The following TUSC3 variants were observed in gnomAD, a reference collection of about 807,000 sequenced individuals.
TUSC3 encodes dolichyl-diphosphooligosaccharide--protein glycosyltransferase subunit TUSC3.
Under a neutral mutation model 44.8 loss-of-function variants are expected in TUSC3, and 45 were observed. That is an observed-to-expected ratio of 1.00 (90% CI 0.79 to 1.29). The LOEUF is 1.29. Among genes scored for constraint, TUSC3 ranks in the 50% most tolerant of loss-of-function variants. The pLI, the probability that TUSC3 is intolerant of heterozygous loss-of-function variation, is 0.00. For missense variants in TUSC3, 519 were observed against 437.9 expected, an observed-to-expected ratio of 1.19 and a Z score of -1.65; for synonymous variants, 212 against 152.9, an observed-to-expected ratio of 1.39 and a Z score of -2.85.
chr8:15,575,057 A>G (rs927575290), intron 1 of TUSC3, among the ~76,000 whole-genome samples: 1 of 152,108 alleles, frequency 6.6e-6, no homozygotes, highest in African/African-American at 2.4e-5. Flanking sequence ...TACTGACTAT[A>G]AACTTATCCG....
intron 2 of TUSC3, among the ~76,000 whole-genome samples, chr8:15,514,577 G>A (rs1018221664): frequency 1.3e-5 from 2 of 152,104 alleles, no homozygotes; most frequent in Admixed American, 6.6e-5. Context: ...TTCATGCCTC[G>A]TGCATATTCT....
chr8:15,575,673 A>G (rs1803072279), intron 1 of TUSC3, among the ~76,000 whole-genome samples: 1 of 152,168 alleles, frequency 6.6e-6, no homozygotes, highest in Non-Finnish European at 1.5e-5. Flanking sequence ...AAGCTGAGGC[A>G]GGAGAATCAC....
At chr8:15,557,048 C>A (rs1286871941) in intron 1 of TUSC3, among the ~76,000 whole-genome samples, 2 of 121,054 alleles carry the variant, frequency 1.7e-5, no homozygotes, top group African/African-American at 6.1e-5. Flanking sequence ...GTTGCCATTG[C>A]TTTTGGTGTT....
the TUSC3 span, among the ~76,000 whole-genome samples, chr8:15,832,614 A>G: frequency 6.6e-6 from 1 of 152,328 alleles, no homozygotes. Context: ...GGAGAACAGA[A>G]AAAAGCAAAG....
At chr8:15,571,396 A>G (rs896668392) in intron 1 of TUSC3, among the ~76,000 whole-genome samples, 3 of 152,296 alleles carry the variant, frequency 2.0e-5, no homozygotes, top group African/African-American at 2.4e-5. Context: ...TTCTCAGTGC[A>G]TTTAGAAGTT....
chr8:15,585,550 G>C (rs1347108320), intron 1 of TUSC3, among the ~76,000 whole-genome samples: 1 of 152,128 alleles, frequency 6.6e-6, no homozygotes, highest in African/African-American at 2.4e-5. Flanking sequence ...GATGAGGGCT[G>C]GGCATCTCAT....
rs1184737198 is a variant in TUSC3 at position 15,613,722 on chromosome 8, A to C, written c.139-9358A>C. On this transcript the variant is annotated intron_variant, in intron 1 of 10. Transcript: ENST00000503731. ...GACTAATACAAATACATATAGCATT[A>C]TCTCAGGTTTTGTAAGAGTTGTATT... 2.0e-5 allele frequency among the ~76,000 whole-genome samples: 3 copies of C among 152,202 alleles called. No individual in the cohort carries two copies. The East Asian group carries it at 5.8e-4, about 29-fold the overall frequency.
intron 6 of TUSC3, among the ~76,000 whole-genome samples, chr8:15,705,365 A>G (rs1419508397): frequency 6.6e-6 from 1 of 151,996 alleles, no homozygotes; most frequent in African/African-American, 2.4e-5. Flanking sequence ...ATGGAAAACC[A>G]CTCCAGAATC....
In TUSC3 at chr8:15,540,455, C is replaced by G. The variant is rs755808199; in HGVS notation, c.25C>G (p.Arg9Gly). 1.5e-4 allele frequency: 248 copies of G among 1,603,760 alleles called. No individual in the cohort carries two copies. Among genetic ancestry groups the G allele is most frequent in the Non-Finnish European group, 2.0e-4 (240 of 1,176,178 alleles). MGARGAPS[R>G]RRQAGRRLRY... ...GATGGGGGCCCGGGGCGCTCCTTCACGCCGTAGGCAAGCGGGGCGGCGGCT... is the reference window on the plus strand; with the variant it reads ...GATGGGGGCCCGGGGCGCTCCTTCAGGCCGTAGGCAAGCGGGGCGGCGGCT... Residue 9 changes from arginine to glycine, a missense_variant, in exon 1 of 11, where the codon CGC (arginine) becomes GGC (glycine). Physicochemically the swap from Arg to Gly is moderately radical, Grantham distance 125 (BLOSUM62 -2). Coordinates refer to ENST00000503731, the MANE Select transcript of TUSC3 (RefSeq NM_006765.4).
chr8:15,462,554 A>G lies in TUSC3; in HGVS notation n.92-20832A>G, dbSNP rs558648908. On this transcript the variant is annotated intron_variant and non_coding_transcript_variant, in intron 1 of 5. Transcript: ENST00000503191. ...TCCCTACGATATTAAATTCATTTTC[A>G]GAATTTGGGAAGCTTTCCTGCCTTA... Among the ~76,000 whole-genome samples, 9 of 152,212 alleles carry G rather than the reference A, an allele frequency of 5.9e-5. No individual in the cohort carries two copies. In the East Asian group the frequency reaches 9.7e-4, roughly 16 times the overall value.
At chr8:15,417,565 C>G (rs888473106) in intron 1 of TUSC3, among the ~76,000 whole-genome samples, 1 of 152,158 alleles carries the variant, frequency 6.6e-6, no homozygotes, top group African/African-American at 2.4e-5. Flanking sequence ...TCACTGAAGG[C>G]TTTCAATTTC....
In TUSC3 at chr8:15,760,989, T is replaced by C. The variant is rs551646047; in HGVS notation, c.*46+3134T>C. Among the ~76,000 whole-genome samples, 4 of 152,284 alleles carry C rather than the reference T, an allele frequency of 2.6e-5. No homozygotes were observed. The South Asian group carries it at 8.3e-4, about 32-fold the overall frequency. On this transcript the variant is annotated intron_variant, in intron 10 of 10. Coordinates refer to ENST00000503731, the MANE Select transcript of TUSC3 (RefSeq NM_006765.4). ...ATCATACTTAATCACACCCAGGTCT[T>C]TCCTTTAGCTAAAAGAAATGTAAGG...
intron 2 of TUSC3, among the ~76,000 whole-genome samples, chr8:15,494,644 A>T (rs1800856046): frequency 6.6e-6 from 1 of 152,154 alleles, no homozygotes. Context: ...GATTTCCAGC[A>T]CACTAACCAC....
At chr8:15,851,470 C>G in the TUSC3 span, among the ~76,000 whole-genome samples, 18 of 152,274 alleles carry the variant, frequency 1.2e-4, no homozygotes, top group African/African-American at 4.1e-4. Flanking sequence ...ATTGTTTAAT[C>G]CTCACACATA....
intron 2 of TUSC3, among the ~76,000 whole-genome samples, chr8:15,631,668 TTGTGTGTGTGTGTGTG>T (rs147004169): frequency 2.4e-4 from 35 of 145,210 alleles, no homozygotes; most frequent in South Asian, 1.8e-3. Context: ...TTTAAGGCTG[TTGTGTGTGTGTGTGTG>T]TGTGTGTGTG....
At chr8:15,724,082 C>T (rs1001409613) in intron 6 of TUSC3, among the ~76,000 whole-genome samples, 1 of 151,908 alleles carries the variant, frequency 6.6e-6, no homozygotes, top group Non-Finnish European at 1.5e-5. Context: ...GATTGGTGGC[C>T]TTATAAGTAG....
chr8:15,757,685 T>TAAAGA, intron 9 of TUSC3, 106 bp from the exon 10 acceptor site: 1 of 1,396,386 alleles, frequency 7.2e-7, no homozygotes, highest in South Asian at 1.2e-5. Context: ...CTTATCTAGA[T>TAAAGA]AAAGAATGTA....
At chr8:15,488,865 A>T (rs1319642299) in intron 2 of TUSC3, among the ~76,000 whole-genome samples, 2 of 152,194 alleles carry the variant, frequency 1.3e-5, no homozygotes, top group Non-Finnish European at 2.9e-5. Flanking sequence ...CTCAGTCTAT[A>T]GTATTTGTTA....
the TUSC3 span, among the ~76,000 whole-genome samples, chr8:15,851,343 A>G: frequency 1.3e-5 from 2 of 152,198 alleles, no homozygotes; most frequent in African/African-American, 4.8e-5. Flanking sequence ...CATTCTAGAG[A>G]AAAAGGGACA....
Sources: gnomAD v4.1 joint callset for allele counts (sites outside exome capture counted in the v4.1 genomes callset) on GRCh38, gnomAD v4.1.1 for gene constraint, MANE v1.5 for transcripts, NCBI Gene and HGNC (gene_info 2026-07-23, HGNC 2026-07-21) for gene names.